Variants in CDC42EP4 observed in about 807,000 individuals in gnomAD.
CDC42EP4 encodes CDC42 effector protein 4.
Under a neutral mutation model 5.6 loss-of-function variants are expected in CDC42EP4, and 6 were observed. That is an observed-to-expected ratio of 1.07 (90% CI 0.59 to 2.12). CDC42EP4 has a LOEUF of 2.12. Ranked by LOEUF, CDC42EP4 falls within the 30% of genes most tolerant of loss-of-function variation. The pLI is 0.00. For synonymous variants in CDC42EP4, 230 were observed against 224.2 expected, an observed-to-expected ratio of 1.03 and a Z score of -0.23; for missense variants, 490 against 508.6, an observed-to-expected ratio of 0.96 and a Z score of 0.35.
intron 1 of CDC42EP4, among the ~76,000 whole-genome samples, chr17:73,305,292 G>A (rs952598083): frequency 6.6e-6 from 1 of 152,236 alleles, no homozygotes; most frequent in Non-Finnish European, 1.5e-5. Flanking sequence ...GCCTGGTGGG[G>A]GGCCCCACTG....
At chr17:73,292,316 T>C (rs1390490506) in intron 1 of CDC42EP4, among the ~76,000 whole-genome samples, 1 of 152,246 alleles carries the variant, frequency 6.6e-6, no homozygotes, top group Non-Finnish European at 1.5e-5. Context: ...GGGCTTTTAG[T>C]GCACGATGAC....
At position 73,286,558 on chromosome 17, in the gene CDC42EP4, G is replaced by C; in HGVS notation, c.-58C>G. On this transcript the variant is annotated 5_prime_UTR_variant, in exon 2 of 2. The change creates a new upstream start codon in the 5' untranslated region. Transcript: ENST00000335793. This position sits in a 1 kb window ranked among gnomAD's most constrained non-coding sequence, Gnocchi z 7.7. ...GAGGTAGCCGGCAGGTCTGGGGTCA[G>C]ATCTGAAGTCCAAGTCCAGTGGGCA... 2 of 1,360,336 alleles carry C rather than the reference G, an allele frequency of 1.5e-6. No individual in the cohort carries two copies. The highest frequency in any genetic ancestry group is 2.0e-6 in the Non-Finnish European group (2 of 1,003,038). 84.3% of individuals were successfully genotyped at this position (1,360,336 alleles called of 1,614,324 possible). A position where few individuals can be genotyped will look rare whatever the true frequency, so the allele number is the denominator to read the frequency against.
intron 1 of CDC42EP4, among the ~76,000 whole-genome samples, chr17:73,287,817 C>T (rs1293416881): frequency 6.6e-6 from 1 of 152,164 alleles, no homozygotes; most frequent in African/African-American, 2.4e-5. Context: ...CTCCGCATGC[C>T]TGCCGCTGCG....
At chr17:73,305,448 G>T (rs55994121) in intron 1 of CDC42EP4, among the ~76,000 whole-genome samples, 52,733 of 152,072 alleles carry the variant, frequency 0.35, 9,296 homozygotes, top group African/African-American at 0.41. Flanking sequence ...TCACTTTGCC[G>T]CTCCTAAGAG....
chr17:73,291,879 C>T (rs560411585), intron 1 of CDC42EP4, among the ~76,000 whole-genome samples: 2 of 152,286 alleles, frequency 1.3e-5, no homozygotes, highest in African/African-American at 4.8e-5. Context: ...GGTCAGGCCC[C>T]TGCTTGGGTC....
At chr17:73,294,759 C>T (rs1173214537) in intron 1 of CDC42EP4, among the ~76,000 whole-genome samples, 5 of 152,174 alleles carry the variant, frequency 3.3e-5, no homozygotes, top group South Asian at 2.1e-4. Flanking sequence ...CACACACACA[C>T]GCATGTGCAC....
intron 1 of CDC42EP4, among the ~76,000 whole-genome samples, chr17:73,299,385 A>G (rs577259055): frequency 1.1e-3 from 102 of 90,428 alleles, no homozygotes; most frequent in African/African-American, 4.3e-3. Flanking sequence ...AGCCGAGATC[A>G]TGCCACTGCA....
intron 1 of CDC42EP4, among the ~76,000 whole-genome samples, chr17:73,297,914 C>T (rs1019282057): frequency 6.6e-6 from 1 of 151,894 alleles, no homozygotes; most frequent in East Asian, 1.9e-4. Context: ...CCGCCTCAGC[C>T]TCCCAAAGTG....
At chr17:73,296,500 C>A (rs925221817) in intron 1 of CDC42EP4, among the ~76,000 whole-genome samples, 2 of 151,358 alleles carry the variant, frequency 1.3e-5, no homozygotes, top group Non-Finnish European at 2.9e-5. Flanking sequence ...AAGCTGGGAG[C>A]CATTAACTCA....
At chr17:73,295,950 TCA>T (rs2062182431) in intron 1 of CDC42EP4, among the ~76,000 whole-genome samples, 1 of 151,658 alleles carries the variant, frequency 6.6e-6, no homozygotes, top group South Asian at 2.1e-4. Context: ...TGAATATGAT[TCA>T]GTTTCCTCAA....
At chr17:73,295,849 A>C (rs1170416418) in intron 1 of CDC42EP4, among the ~76,000 whole-genome samples, 1 of 148,082 alleles carries the variant, frequency 6.8e-6, no homozygotes, top group African/African-American at 2.6e-5. Context: ...AGGTTGCAGC[A>C]CACTGAGATC....
intron 1 of CDC42EP4, among the ~76,000 whole-genome samples, chr17:73,290,107 C>T (rs200154020): frequency 9.2e-5 from 14 of 152,330 alleles, no homozygotes; most frequent in East Asian, 3.9e-4. Flanking sequence ...CCTGGCTCTA[C>T]GCACAGCATC....
At chr17:73,291,002 C>A (rs533515498) in intron 1 of CDC42EP4, among the ~76,000 whole-genome samples, 2 of 152,178 alleles carry the variant, frequency 1.3e-5, no homozygotes, top group Non-Finnish European at 2.9e-5. Context: ...ATTAGCCACA[C>A]CACCCAGCAC....
At position 73,285,277 on chromosome 17, in the gene CDC42EP4, GC is replaced by G; in HGVS notation, c.*152del. The G allele has an allele frequency of 1.7e-6, 1 of 603,194 alleles. No homozygotes were observed. The highest frequency in any genetic ancestry group is 2.8e-6 in the Non-Finnish European group (1 of 357,526). 37.4% of individuals were successfully genotyped at this position (603,194 alleles called of 1,614,324 possible). On this transcript the variant is annotated 3_prime_UTR_variant, in exon 2 of 2. Coordinates refer to ENST00000335793, the MANE Select transcript of CDC42EP4 (RefSeq NM_012121.5). The surrounding 1 kb of genome is among the most constrained non-coding windows in gnomAD (Gnocchi z 6.8). ...CCCTACGTCCTCCGAAGACCCGAGGGCCAGGCCAGTGTCCCTCATCTACAAG... is the reference window on the plus strand; with the variant it reads ...CCCTACGTCCTCCGAAGACCCGAGGGCAGGCCAGTGTCCCTCATCTACAAG...
intron 1 of CDC42EP4, among the ~76,000 whole-genome samples, chr17:73,304,021 C>T (rs1406227969): frequency 3.3e-5 from 5 of 152,132 alleles, no homozygotes; most frequent in East Asian, 3.9e-4. Flanking sequence ...AAGAACACTC[C>T]GGAATAACAT....
At chr17:73,299,823 A>G (rs1235311504) in intron 1 of CDC42EP4, among the ~76,000 whole-genome samples, 3 of 152,064 alleles carry the variant, frequency 2.0e-5, no homozygotes, top group Non-Finnish European at 2.9e-5. Context: ...TTAAAGCTCT[A>G]TCCCCAGGCA....
At chr17:73,304,655 T>TGGGGGGG (rs371870281) in intron 1 of CDC42EP4, among the ~76,000 whole-genome samples, 7 of 21,762 alleles carry the variant, frequency 3.2e-4, no homozygotes, top group Admixed American at 1.0e-3. Flanking sequence ...AACATCGGGG[T>TGGGGGGG]GGGGGGGGCG....
Position 73,284,103 on chromosome 17 carries a change from A to T in CDC42EP4, c.*1327T>A, listed in dbSNP as rs1413894400. The T allele has an allele frequency of 6.6e-6, 1 of 152,264 alleles. No individual in the cohort carries two copies. The highest frequency in any genetic ancestry group is 1.5e-5 in the Non-Finnish European group (1 of 68,050). 9.4% of individuals were successfully genotyped at this position (152,264 alleles called of 1,614,324 possible). A position where few individuals can be genotyped will look rare whatever the true frequency, so the allele number is the denominator to read the frequency against. The stretch of plus-strand genomic sequence containing the variant: ...TTCAGAAAAACAAATCATTTTTCAC[A>T]TAAGTGTTCCAAATATTGCGTGGGG... On this transcript the variant is annotated 3_prime_UTR_variant, in exon 2 of 2. Transcript: ENST00000335793.
chr17:73,302,554 G>A (rs1288104245), intron 1 of CDC42EP4, among the ~76,000 whole-genome samples: 2 of 151,616 alleles, frequency 1.3e-5, no homozygotes, highest in Admixed American at 1.3e-4. Flanking sequence ...ACAGCTCATT[G>A]TAGCCTCAAC....
Sources: allele counts gnomAD v4.1 joint callset (sites outside exome capture counted in the v4.1 genomes callset), GRCh38; gene constraint gnomAD v4.1.1; non-coding constraint Gnocchi (gnomAD v3.1); transcripts MANE v1.5; gene names NCBI Gene and HGNC (gene_info 2026-07-23, HGNC 2026-07-21).